The following RBM19 variants were observed in gnomAD, a reference collection of about 807,000 sequenced individuals.
RBM19 encodes the protein RNA binding motif protein 19, also known as probable RNA-binding protein 19.
Under a neutral mutation model 116.8 loss-of-function variants are expected in RBM19, and 94 were observed. The observed-to-expected ratio is 0.80, with a 90% confidence interval of 0.68 to 0.95. RBM19 has a LOEUF of 0.95. RBM19 is among the 40% of genes least tolerant of loss of function. The pLI is 0.00. For missense variants in RBM19, 1,161 were observed against 1,220.7 expected, an observed-to-expected ratio of 0.95 and a Z score of 0.73; for synonymous variants, 475 against 494.1, an observed-to-expected ratio of 0.96 and a Z score of 0.51.
intron 21 of RBM19, among the ~76,000 whole-genome samples, chr12:113,896,337 A>C (rs955129378): frequency 1.3e-5 from 2 of 152,164 alleles, no homozygotes; most frequent in African/African-American, 4.8e-5. Flanking sequence ...CGGCCCCATC[A>C]CGTGAGGTGC....
In RBM19 at chr12:113,879,431, T is replaced by TTATATATATATATACATA. The variant is rs1879929608; in HGVS notation, c.2559-20536_2559-20535insTATGTATATATATATATA. Reference sequence around the variant, plus strand: ...CTGTAAAAATGATCATACATACATTTTATATATATATATATATATGGACTT... The same window carrying TTATATATATATATACATA: ...CTGTAAAAATGATCATACATACATTTTATATATATATATACATATATATATATATATATATATGGACTT... On this transcript the variant is annotated intron_variant, in intron 21 of 23. Coordinates refer to ENST00000261741, the MANE Select transcript of RBM19 (RefSeq NM_016196.4). Among the ~76,000 whole-genome samples, 5 of 132,630 alleles carry TTATATATATATATACATA rather than the reference T, an allele frequency of 3.8e-5. No homozygotes were observed. The Admixed American group carries it at 4.2e-4, about 11-fold the overall frequency. 87.0% of individuals were successfully genotyped at this position (132,630 alleles called of 152,430 possible). A position where few individuals can be genotyped will look rare whatever the true frequency, so the allele number is the denominator to read the frequency against.
intron 23 of RBM19, among the ~76,000 whole-genome samples, chr12:113,837,959 C>T (rs1006653269): frequency 1.3e-5 from 2 of 152,164 alleles, no homozygotes; most frequent in Non-Finnish European, 2.9e-5. Flanking sequence ...TTTCTAGTAA[C>T]AAAAACATCA....
At chr12:113,934,663 T>C (rs1869893712) in intron 16 of RBM19, among the ~76,000 whole-genome samples, 1 of 152,096 alleles carries the variant, frequency 6.6e-6, no homozygotes, top group Non-Finnish European at 1.5e-5. Flanking sequence ...CATGACACAA[T>C]TCCAGGAAGT....
chr12:113,872,528 T>C (rs1879317774), intron 21 of RBM19, among the ~76,000 whole-genome samples: 1 of 94,106 alleles, frequency 1.1e-5, no homozygotes, highest in Non-Finnish European at 2.2e-5. Context: ...GGTGGGGGTG[T>C]CGGCCCCCCG....
At chr12:113,939,292 C>T (rs943601061) in intron 15 of RBM19, among the ~76,000 whole-genome samples, 5 of 151,914 alleles carry the variant, frequency 3.3e-5, no homozygotes, top group African/African-American at 4.8e-5. Flanking sequence ...GGTGGCAGAG[C>T]GAGACCCTGT....
intron 23 of RBM19, among the ~76,000 whole-genome samples, chr12:113,833,123 G>A (rs867743816): frequency 3.3e-5 from 5 of 152,178 alleles, no homozygotes; most frequent in Middle Eastern, 3.4e-3. Context: ...ACTTCAACAC[G>A]TTCAGAACAC....
chr12:113,863,485 G>C (rs1019386622), intron 21 of RBM19, among the ~76,000 whole-genome samples: 2 of 152,170 alleles, frequency 1.3e-5, no homozygotes, highest in African/African-American at 2.4e-5. Flanking sequence ...CTGGTACCTG[G>C]AGCCTGGGCA....
At chr12:113,953,272 G>A (rs544193498) in intron 7 of RBM19, among the ~76,000 whole-genome samples, 10 of 152,338 alleles carry the variant, frequency 6.6e-5, no homozygotes, top group Admixed American at 2.0e-4. Context: ...GTGATCACCC[G>A]AGGTCAGGAG....
rs546486333 is a variant in RBM19 at position 113,825,682 on chromosome 12, G to C, written c.2786-2361C>G. Among the ~76,000 whole-genome samples, 9 of 152,098 alleles carry C rather than the reference G, an allele frequency of 5.9e-5. No individual in the cohort carries two copies. The highest frequency in any genetic ancestry group is 1.2e-4 in the Non-Finnish European group (8 of 68,008). ...GACTTTTTCTTCTCTCCCACATCCT[G>C]ACAACTTGGAGGGACTGGCGAGGGG... is the stretch of plus-strand genomic sequence containing the variant. On this transcript the variant is annotated intron_variant, in intron 23 of 23. Transcript: ENST00000261741. The surrounding 1 kb of genome is among the most constrained non-coding windows in gnomAD (Gnocchi z 5.7).
chr12:113,833,890 T>C (rs1875651108), intron 23 of RBM19, among the ~76,000 whole-genome samples: 1 of 152,076 alleles, frequency 6.6e-6, no homozygotes, highest in Admixed American at 6.5e-5. Context: ...ACTACAGGTG[T>C]GTGCCACCAT....
At chr12:113,895,584 A>G (rs1304052919) in intron 21 of RBM19, among the ~76,000 whole-genome samples, 2 of 152,188 alleles carry the variant, frequency 1.3e-5, no homozygotes, top group Admixed American at 6.5e-5. Flanking sequence ...ACACTATCAC[A>G]TCCGTCGCCT....
chr12:113,874,645 G>A (rs959399260), intron 21 of RBM19, among the ~76,000 whole-genome samples: 12 of 152,228 alleles, frequency 7.9e-5, no homozygotes, highest in Non-Finnish European at 2.9e-5. Flanking sequence ...GCTGGAGCCC[G>A]CCAGCCACTG....
intron 13 of RBM19, among the ~76,000 whole-genome samples, chr12:113,944,090 C>T (rs1021119630): frequency 6.3e-5 from 6 of 95,522 alleles, no homozygotes; most frequent in Non-Finnish European, 1.1e-4. Context: ...ACTCCAGATG[C>T]ATGTTTTTTT....
chr12:113,954,248 C>T (rs1477240136), intron 7 of RBM19, among the ~76,000 whole-genome samples: 3 of 152,140 alleles, frequency 2.0e-5, no homozygotes, highest in African/African-American at 7.2e-5. Context: ...GCTATGATGG[C>T]AGCACTGTAC....
Position 113,937,021 on chromosome 12 carries a change from G to C in RBM19, c.2054C>G (p.Ala685Gly), listed in dbSNP as rs747914923. 2 of 1,614,042 alleles carry C rather than the reference G, an allele frequency of 1.2e-6. No homozygotes were observed. Among genetic ancestry groups the C allele is most frequent in the Non-Finnish European group, 8.5e-7 (1 of 1,179,994 alleles). The part of the protein sequence containing the change: ...TPSEPMEKDP[A>G]EPETVPDGET... ...TCAGCTCTTACCTGTTTCTGGCTCT[G>C]CTGGGTCCTTTTCCATGGGTTCTGA... Residue 685 changes from alanine (A) to glycine (G), a missense_variant, in exon 16 of 24, where the codon GCA becomes GGA. Transcript: ENST00000261741.
chr12:113,950,507 A>T (rs1871377810), intron 8 of RBM19, among the ~76,000 whole-genome samples: 1 of 152,086 alleles, frequency 6.6e-6, no homozygotes, highest in Non-Finnish European at 1.5e-5. Context: ...CAGCATGAGG[A>T]CCCACCTAGG....
chr12:113,844,185 C>T (rs1280998020), intron 23 of RBM19, among the ~76,000 whole-genome samples: 2 of 152,226 alleles, frequency 1.3e-5, no homozygotes, highest in Non-Finnish European at 2.9e-5. Context: ...GGCATCAGCC[C>T]TCCGGCAGGA....
intron 21 of RBM19, among the ~76,000 whole-genome samples, chr12:113,877,409 C>G (rs1879749116): frequency 6.6e-6 from 1 of 152,180 alleles, no homozygotes; most frequent in Non-Finnish European, 1.5e-5. Flanking sequence ...GCCCTGTGGC[C>G]AGATCTGGCC....
intron 22 of RBM19, among the ~76,000 whole-genome samples, chr12:113,854,959 T>A (rs984310667): frequency 2.0e-5 from 3 of 152,236 alleles, no homozygotes; most frequent in Non-Finnish European, 4.4e-5. Context: ...GCTATTATCA[T>A]CAGTTGCCTG....
Sources: gnomAD v4.1 joint callset for allele counts (sites outside exome capture counted in the v4.1 genomes callset) on GRCh38, gnomAD v4.1.1 for gene constraint, Gnocchi (gnomAD v3.1) non-coding constraint, MANE v1.5 for transcripts, NCBI Gene and HGNC (gene_info 2026-07-23, HGNC 2026-07-21) for gene names.